AXDND1: variants seen among roughly 807,000 people sequenced by gnomAD.
AXDND1 encodes axonemal dynein light chain domain-containing protein 1.
In AXDND1, 110 loss-of-function variants were observed where a neutral mutation model predicts 137.5. The observed-to-expected ratio is 0.80, with a 90% CI of 0.69 to 0.94. The LOEUF (loss-of-function observed/expected upper bound fraction) is 0.94, where lower values mean the gene tolerates loss of function less well. AXDND1 is among the 40% of genes least tolerant of loss of function. AXDND1 has a pLI of 0.00. For synonymous variants in AXDND1, 414 were observed against 399.7 expected, an observed-to-expected ratio of 1.04 and a Z score of -0.43; for missense variants, 1,191 against 1,169.8, an observed-to-expected ratio of 1.02 and a Z score of -0.26.
At chr1:179,447,337 T>C (rs183137903) in intron 16 of AXDND1, among the ~76,000 whole-genome samples, 35 of 152,376 alleles carry the variant, frequency 2.3e-4, no homozygotes, top group African/African-American at 7.9e-4. Context: ...GCCTGGCTTA[T>C]TTCATTTAAC....
In AXDND1 at chr1:179,385,238, A is replaced by G. The variant is rs779338477; in HGVS notation, c.742A>G (p.Met248Val). 5.0e-6 allele frequency: 8 copies of G among 1,608,502 alleles called. No individual in the cohort carries two copies. Among genetic ancestry groups the G allele is most frequent in the African/African-American group, 1.3e-5 (1 of 74,770 alleles). ...GATTATGTTACTTACCTTCTGACAG[A>G]TGCACAAACTACTACATATATTGAA... Reference protein sequence around the residue: ...ENQEYTGPTKMHKLLHILKKE... With the variant: ...ENQEYTGPTKVHKLLHILKKE... Residue 248 changes from methionine (M) to valine (V), a missense_variant and splice_region_variant, in exon 9 of 26, where the codon ATG becomes GTG. By Grantham distance (21) the Met-to-Val change is conservative. Transcript: ENST00000367618.
At chr1:179,415,229 C>A (rs1654517985) in intron 12 of AXDND1, among the ~76,000 whole-genome samples, 1 of 152,096 alleles carries the variant, frequency 6.6e-6, no homozygotes, top group South Asian at 2.1e-4. Flanking sequence ...GTAGTCCCAG[C>A]TACTGAGGAG....
intron 25 of AXDND1, among the ~76,000 whole-genome samples, chr1:179,539,758 C>T (rs939670277): frequency 1.3e-5 from 2 of 152,148 alleles, no homozygotes; most frequent in African/African-American, 4.8e-5. Flanking sequence ...TGGGGAAGTT[C>T]TCCTGGATAA....
At chr1:179,523,118 G>A (rs1288262606) in intron 21 of AXDND1, among the ~76,000 whole-genome samples, 1 of 151,766 alleles carries the variant, frequency 6.6e-6, no homozygotes, top group African/African-American at 2.4e-5. Context: ...TCATACTTCA[G>A]AGGCTACTTC....
chr1:179,517,142 G>A (rs1233416696), intron 21 of AXDND1, among the ~76,000 whole-genome samples: 2 of 152,202 alleles, frequency 1.3e-5, no homozygotes, highest in Non-Finnish European at 2.9e-5. Context: ...TGTGGGGAAT[G>A]GGGGTGAGTT....
chr1:179,498,285 T>C (rs1667657851), intron 20 of AXDND1, among the ~76,000 whole-genome samples: 1 of 151,750 alleles, frequency 6.6e-6, no homozygotes. Context: ...AACAGCATGG[T>C]ACTGGTACAA....
At chr1:179,545,733 G>T (rs1672582103) in intron 25 of AXDND1, 1 of 152,178 alleles carries the variant, frequency 6.6e-6, no homozygotes, top group Non-Finnish European at 1.5e-5. Context: ...CCCTGAACAT[G>T]AGCCTTGTCC....
chr1:179,434,690 A>G (rs966815888), intron 15 of AXDND1, among the ~76,000 whole-genome samples: 9 of 152,222 alleles, frequency 5.9e-5, no homozygotes, highest in Admixed American at 5.2e-4. Flanking sequence ...CTAGGTATTG[A>G]TAGAACATAT....
intron 19 of AXDND1, among the ~76,000 whole-genome samples, chr1:179,492,096 C>T (rs1666965779): frequency 1.3e-5 from 2 of 152,068 alleles, no homozygotes; most frequent in South Asian, 4.2e-4. Context: ...TTTTTTTAGA[C>T]AGAGTTTTCT....
chr1:179,374,049 G>A lies in AXDND1; in HGVS notation c.374+3971G>A, dbSNP rs1173008725. On this transcript the variant is annotated intron_variant, in intron 4 of 25. Coordinates refer to ENST00000367618, the MANE Select transcript of AXDND1 (RefSeq NM_144696.6). Reference sequence around the variant, plus strand: ...CATCAGAGTGAACAGGCAACCTACAGAATGGGAGAAAATTTTTGCAATCTA... The same window carrying A: ...CATCAGAGTGAACAGGCAACCTACAAAATGGGAGAAAATTTTTGCAATCTA... Among the ~76,000 whole-genome samples, 24 of 152,072 alleles carry A rather than the reference G, an allele frequency of 1.6e-4. 1 individual carries two copies. The highest frequency in any genetic ancestry group is 1.6e-3 in the Admixed American group (24 of 15,254).
intron 15 of AXDND1, among the ~76,000 whole-genome samples, chr1:179,443,964 ATTTTC>A (rs71114506): frequency 0.29 from 44,433 of 151,390 alleles, 6,703 homozygotes; most frequent in Non-Finnish European, 0.31. Context: ...CCAACAAACC[ATTTTC>A]TTTTCTTTAG....
intron 12 of AXDND1, among the ~76,000 whole-genome samples, chr1:179,427,086 C>T (rs970520163): frequency 2.6e-5 from 4 of 152,140 alleles, no homozygotes; most frequent in African/African-American, 9.7e-5. Flanking sequence ...AACACTTGAA[C>T]CTGGGAGGCA....
intron 21 of AXDND1, among the ~76,000 whole-genome samples, chr1:179,510,024 C>A (rs1668884242): frequency 6.6e-6 from 1 of 152,172 alleles, no homozygotes; most frequent in South Asian, 2.1e-4. Context: ...TTGTATTTAA[C>A]CTGGCTTCTG....
At position 179,528,374 on chromosome 1, in the gene AXDND1, A is replaced by G; in HGVS notation, c.2658A>G (p.Gly886=). ...TEKEKLIRFI[G]EDENVHSKPL... is the part of the protein sequence containing the mutation. ...AGGAAAAACTCATTCGATTCATTGG[A>G]GAAGATGAAAATGTTCATTCCAAAC... is the stretch of plus-strand genomic sequence containing the variant. The change falls in exon 23 of 26, where the codon GGA becomes GGG. Residue 886 remains glycine, a synonymous_variant. Transcript: ENST00000367618. The G allele has an allele frequency of 6.2e-7, 1 of 1,614,036 alleles. No homozygotes were observed. The highest frequency in any genetic ancestry group is 1.3e-5 in the African/African-American group (1 of 75,046).
At chr1:179,511,727 G>A (rs1669081065) in intron 21 of AXDND1, among the ~76,000 whole-genome samples, 2 of 151,968 alleles carry the variant, frequency 1.3e-5, no homozygotes, top group Non-Finnish European at 2.9e-5. Context: ...AACATCTACC[G>A]TTTCTTGATT....
At chr1:179,535,853 G>A (rs535353415) in intron 25 of AXDND1, among the ~76,000 whole-genome samples, 3,263 of 151,938 alleles carry the variant, frequency 0.021, 58 homozygotes, top group Non-Finnish European at 0.027. Context: ...GTGTAAAAGT[G>A]TTCCTATTTC....
At chr1:179,451,935 G>T (rs1285082519) in intron 16 of AXDND1, 3 of 154,918 alleles carry the variant, frequency 1.9e-5, no homozygotes, top group Non-Finnish European at 4.3e-5. Flanking sequence ...AGTAGAGTAG[G>T]GTGCTGCTGA....
Position 179,432,316 on chromosome 1 carries a change from CT to C in AXDND1, c.1541del (p.Leu514Ter). 1 of 1,565,388 alleles carries C rather than the reference CT, an allele frequency of 6.4e-7. No individual in the cohort carries two copies. The highest frequency in any genetic ancestry group is 8.7e-7 in the Non-Finnish European group (1 of 1,153,076). ...PNKGNIFNSVLLDFKQWQKIL... is the reference protein window; with the variant it reads ...PNKGNIFNSVXLDFKQWQKIL... ...TAAGGGAAATATATTTAATTCAGTT[CT>C]TTTAGACTTCAAACAGTGGCAGAAG... On this transcript the variant is annotated frameshift_variant, in exon 15 of 26. Transcript: ENST00000367618. LOFTEE classifies it high-confidence loss of function.
intron 22 of AXDND1, among the ~76,000 whole-genome samples, chr1:179,526,063 G>T (rs1670504939): frequency 1.3e-5 from 2 of 151,578 alleles, no homozygotes. Flanking sequence ...TCTCACTCTG[G>T]TACTATTTTT....
Sources: gnomAD v4.1 joint callset for allele counts (sites outside exome capture counted in the v4.1 genomes callset) on GRCh38, gnomAD v4.1.1 for gene constraint, MANE v1.5 for transcripts, NCBI Gene and HGNC (gene_info 2026-07-23, HGNC 2026-07-21) for gene names.